The following JARID2 variants were observed in gnomAD, a reference collection of about 807,000 sequenced individuals.
JARID2 encodes jumonji and AT-rich interaction domain containing 2.
A neutral mutation model predicts 125.6 loss-of-function variants in JARID2; 21 were observed. The observed-to-expected ratio is 0.17, with a 90% CI of 0.12 to 0.24. JARID2 has a LOEUF of 0.24. Among genes scored for constraint, JARID2 ranks in the 10% least tolerant of loss-of-function variants. JARID2 has a pLI of 1.00. For missense variants in JARID2, 1,303 were observed against 1,639.6 expected (o/e 0.79, Z 3.55); for synonymous variants, 736 against 661.6 (o/e 1.11, Z -1.73).
At position 15,494,655 on chromosome 6, in the gene JARID2, G is replaced by A. The variant is rs145186631; in HGVS notation, c.907-1477G>A. Reference sequence around the variant, plus strand: ...AATCTCCTGACCTTGTGATCCACCCGCCTCGGCCTCCCAAAGTGCTGGGAT... The same window carrying A: ...AATCTCCTGACCTTGTGATCCACCCACCTCGGCCTCCCAAAGTGCTGGGAT... On this transcript the variant is annotated intron_variant, in intron 6 of 17. Coordinates refer to ENST00000341776, the MANE Select transcript of JARID2 (RefSeq NM_004973.4). Among the ~76,000 whole-genome samples the A allele has an allele frequency of 3.1e-3, 467 of 152,190 alleles. 4 individuals are homozygous for A. Among genetic ancestry groups the A allele is most frequent in the African/African-American group, 0.011 (453 of 41,536 alleles).
In JARID2 at chr6:15,521,961, T is replaced by C. The variant is rs1456979820; in HGVS notation, c.*1710T>C. 6.6e-6 allele frequency: 1 copy of C among 152,120 alleles called. No individual in the cohort carries two copies. Among genetic ancestry groups the C allele is most frequent in the Non-Finnish European group, 1.5e-5 (1 of 68,018 alleles). The allele number at this position is 152,120 out of a possible 1,614,324, so 9.4% of individuals were successfully genotyped here. On this transcript the variant is annotated 3_prime_UTR_variant, in exon 18 of 18. Transcript: ENST00000341776. ...GAGACTTCATGTGGTTTATTGCGAG[T>C]TTTTTGTTTACTTTTCAGGTTTGTA...
chr6:15,452,474 A>G (rs1340670145), intron 4 of JARID2, among the ~76,000 whole-genome samples: 2 of 152,154 alleles, frequency 1.3e-5, no homozygotes, highest in East Asian at 3.9e-4. Context: ...TCTCTGCACC[A>G]TACCACCACC....
chr6:15,508,330 T>C lies in JARID2; in HGVS notation c.2732-10T>C. On this transcript the variant is annotated splice_polypyrimidine_tract_variant and intron_variant, in intron 11 of 17. Coordinates refer to ENST00000341776, the MANE Select transcript of JARID2 (RefSeq NM_004973.4). ...TTTTAAAAATGCCCTTTTCACTCTTTCTGTTTTAGGAGTGACTATTCCCTG... is the reference window on the plus strand; with the variant it reads ...TTTTAAAAATGCCCTTTTCACTCTTCCTGTTTTAGGAGTGACTATTCCCTG... 6 of 1,422,660 alleles carry C rather than the reference T, an allele frequency of 4.2e-6. No homozygotes were observed. Among genetic ancestry groups the C allele is most frequent in the Non-Finnish European group, 6.0e-6 (6 of 1,005,518 alleles). 88.1% of individuals were successfully genotyped at this position (1,422,660 alleles called of 1,614,324 possible).
chr6:15,317,786 C>T (rs1035385219), intron 1 of JARID2, among the ~76,000 whole-genome samples: 11 of 152,178 alleles, frequency 7.2e-5, no homozygotes, highest in African/African-American at 2.7e-4. Flanking sequence ...AGGGTGGATG[C>T]ACCCTTGGGT....
rs1180931787 is a variant in JARID2 at position 15,380,938 on chromosome 6, G to A, written c.181+6686G>A. Among the ~76,000 whole-genome samples the A allele has an allele frequency of 2.6e-5, 4 of 152,068 alleles. No individual in the cohort carries two copies. The East Asian group carries it at 5.8e-4, about 22-fold the overall frequency. ...GGGGTATAAAGTGACCTTCCTCTAC[G>A]AAGGGGAACACCTGTCCCTTCTGTT... On this transcript the variant is annotated intron_variant, in intron 2 of 17. Transcript: ENST00000341776.
chr6:15,412,314 G>C (rs993018365), intron 3 of JARID2, among the ~76,000 whole-genome samples: 1 of 151,772 alleles, frequency 6.6e-6, no homozygotes, highest in Non-Finnish European at 1.5e-5. Context: ...TCTTTTTTTG[G>C]GGGGGTTGAG....
intron 1 of JARID2, among the ~76,000 whole-genome samples, chr6:15,255,171 C>A (rs1276092827): frequency 1.5e-5 from 2 of 133,968 alleles, no homozygotes; most frequent in East Asian, 2.2e-4. Flanking sequence ...AGACGAGTCT[C>A]ACTTTGTTGC....
At chr6:15,403,986 G>A (rs1765545137) in intron 2 of JARID2, among the ~76,000 whole-genome samples, 1 of 152,166 alleles carries the variant, frequency 6.6e-6, no homozygotes, top group Non-Finnish European at 1.5e-5. Flanking sequence ...AGACAAAGGG[G>A]AGCCCTAGTC....
At chr6:15,264,576 G>A (rs1760006856) in intron 1 of JARID2, among the ~76,000 whole-genome samples, 1 of 150,972 alleles carries the variant, frequency 6.6e-6, no homozygotes. Context: ...GAATTTACTA[G>A]TTTAGACACC....
intron 3 of JARID2, among the ~76,000 whole-genome samples, chr6:15,429,578 A>G (rs1167670531): frequency 2.0e-5 from 3 of 152,250 alleles, no homozygotes; most frequent in South Asian, 2.1e-4. Context: ...TGAAAAGGAA[A>G]CATTTCTAAA....
At chr6:15,293,019 G>A (rs1474235435) in intron 1 of JARID2, among the ~76,000 whole-genome samples, 2 of 152,182 alleles carry the variant, frequency 1.3e-5, no homozygotes, top group African/African-American at 4.8e-5. Context: ...GACACCTTTA[G>A]AAAGACTTAT....
chr6:15,271,270 A>G (rs994764103), intron 1 of JARID2, among the ~76,000 whole-genome samples: 4 of 152,204 alleles, frequency 2.6e-5, no homozygotes, highest in Non-Finnish European at 4.4e-5. Context: ...CTAATCACAC[A>G]AGGATCTTGT....
chr6:15,409,632 T>G (rs1278170726), intron 2 of JARID2, among the ~76,000 whole-genome samples: 1 of 152,230 alleles, frequency 6.6e-6, no homozygotes, highest in Non-Finnish European at 1.5e-5. Context: ...AAGACTCCCC[T>G]GCTTATCATC....
intron 1 of JARID2, among the ~76,000 whole-genome samples, chr6:15,310,293 C>T (rs970601972): frequency 6.6e-6 from 1 of 152,160 alleles, no homozygotes; most frequent in African/African-American, 2.4e-5. Context: ...AAAAATGATA[C>T]TTCCTGCCAT....
rs542279386 is a variant in JARID2, at chr6:15,263,835, T to C, written c.45+17251T>C. 2.2e-4 allele frequency among the ~76,000 whole-genome samples: 33 copies of C among 152,262 alleles called. No homozygotes were observed. In the East Asian group the frequency reaches 4.8e-3, roughly 22 times the overall value. On this transcript the variant is annotated intron_variant, in intron 1 of 17. Coordinates refer to ENST00000341776, the MANE Select transcript of JARID2 (RefSeq NM_004973.4). ...CTCAAACTCCTGACCTCAGGTGATC[T>C]GCCTGCCTCGGCCTCCCAAAATGCT...
intron 2 of JARID2, among the ~76,000 whole-genome samples, chr6:15,389,287 G>C (rs536174098): frequency 1.3e-5 from 2 of 152,130 alleles, no homozygotes; most frequent in Admixed American, 6.5e-5. Flanking sequence ...AGCCGCCTGA[G>C]TGGATGGGAC....
chr6:15,341,127 A>G (rs775704516), intron 1 of JARID2, among the ~76,000 whole-genome samples: 17 of 152,202 alleles, frequency 1.1e-4, no homozygotes, highest in African/African-American at 2.9e-4. Flanking sequence ...TCACTGTTAC[A>G]TAAAATTTTT....
intron 3 of JARID2, among the ~76,000 whole-genome samples, chr6:15,415,569 G>A (rs1561847304): frequency 1.4e-5 from 2 of 147,418 alleles, no homozygotes; most frequent in African/African-American, 5.2e-5. Context: ...TCACCTCCCG[G>A]ACGGGGCTGC....
At chr6:15,415,362 A>AG (rs1766100739) in intron 3 of JARID2, among the ~76,000 whole-genome samples, 2 of 150,100 alleles carry the variant, frequency 1.3e-5, no homozygotes, top group South Asian at 4.3e-4. Flanking sequence ...GGCCGGGCAG[A>AG]GGGGCTCCTC....
Sources: gnomAD v4.1 joint callset for allele counts (sites outside exome capture counted in the v4.1 genomes callset) on GRCh38, gnomAD v4.1.1 for gene constraint, MANE v1.5 for transcripts, NCBI Gene and HGNC (gene_info 2026-07-23, HGNC 2026-07-21) for gene names.